The following SAMD4A variants were observed in gnomAD, a reference collection of about 807,000 sequenced individuals.
The protein encoded by SAMD4A is protein Smaug homolog 1.
In SAMD4A, 33 loss-of-function variants were observed where a neutral mutation model predicts 81.3. That is an observed-to-expected ratio of 0.41 (90% CI 0.31 to 0.54). The LOEUF (loss-of-function observed/expected upper bound fraction) is 0.54. Among genes scored for constraint, SAMD4A ranks in the 20% least tolerant of loss-of-function variants. The pLI is 0.37. For synonymous variants in SAMD4A, 389 were observed against 382.1 expected (o/e 1.02, Z -0.21); for missense variants, 854 against 951.1 (o/e 0.90, Z 1.34).
chr14:54,685,281 C>CCCG lies in SAMD4A; in HGVS notation c.197-16779_197-16778insGCC, dbSNP rs1555343072. Among the ~76,000 whole-genome samples the CCCG allele has an allele frequency of 8.8e-4, 118 of 134,524 alleles. 1 individual carries two copies. The highest frequency in any genetic ancestry group is 2.9e-3 in the African/African-American group (111 of 38,566). The allele number at this position is 134,524 out of a possible 152,430, so 88.3% of individuals were successfully genotyped here. On this transcript the variant is annotated intron_variant, in intron 2 of 12. Transcript: ENST00000554335. ...TAACTCCCCATTCTTCCTGCCCCCC[C>CCCG]CCCCAGCTCCTGGCAGCCACCATTC...
intron 2 of SAMD4A, chr14:54,694,529 A>G: frequency 1.6e-6 from 1 of 631,362 alleles, no homozygotes; most frequent in Non-Finnish European, 2.0e-6. Context: ...AGATCATCTG[A>G]GTGAGCATGG....
At chr14:54,679,927 A>G (rs1209908616) in intron 2 of SAMD4A, among the ~76,000 whole-genome samples, 2 of 152,236 alleles carry the variant, frequency 1.3e-5, no homozygotes, top group Admixed American at 6.5e-5. Flanking sequence ...GTCTGGGCCT[A>G]AGATAGGACA....
intron 4 of SAMD4A, among the ~76,000 whole-genome samples, chr14:54,747,274 C>G (rs2037991790): frequency 6.6e-6 from 1 of 152,238 alleles, no homozygotes; most frequent in African/African-American, 2.4e-5. Flanking sequence ...AATTTCAATT[C>G]TCCAGAAATT....
intron 3 of SAMD4A, among the ~76,000 whole-genome samples, chr14:54,714,455 T>G (rs2037068540): frequency 6.6e-6 from 1 of 152,188 alleles, no homozygotes; most frequent in Non-Finnish European, 1.5e-5. Flanking sequence ...ATATTTACAG[T>G]AAGTACAACT....
intron 2 of SAMD4A, chr14:54,696,873 A>G (rs1277408610): frequency 6.6e-6 from 1 of 152,246 alleles, no homozygotes. Context: ...TTCAGAAAAC[A>G]TAGTAGAGGT....
intron 2 of SAMD4A, among the ~76,000 whole-genome samples, chr14:54,575,910 G>A (rs572653658): frequency 1.9e-4 from 29 of 151,300 alleles, no homozygotes; most frequent in African/African-American, 6.1e-4. Context: ...GAATTTCCCC[G>A]AGCTTTTTGA....
Position 54,789,025 on chromosome 14 carries a change from G to T in SAMD4A, c.*81G>T, listed in dbSNP as rs1594948806. On this transcript the variant is annotated 3_prime_UTR_variant, in exon 13 of 13. Transcript: ENST00000554335. ...TGTCCGCCATCTTCAGGGTTGCACAGAATCCTCCAAGATACTTTGCAGCCT... is the reference window on the plus strand; with the variant it reads ...TGTCCGCCATCTTCAGGGTTGCACATAATCCTCCAAGATACTTTGCAGCCT... 39 of 1,502,302 alleles carry T rather than the reference G, an allele frequency of 2.6e-5. No homozygotes were observed. Among genetic ancestry groups the T allele is most frequent in the Non-Finnish European group, 3.3e-5 (36 of 1,078,880 alleles). The allele number at this position is 1,502,302 out of a possible 1,614,324, so 93.1% of individuals were successfully genotyped here.
At position 54,776,383 on chromosome 14, in the gene SAMD4A, TAAC is replaced by T. The variant is rs751555683; in HGVS notation, c.1918-28_1918-26del. 9.7e-4 allele frequency: 1,533 copies of T among 1,583,850 alleles called. 4 individuals are homozygous for T. The highest frequency in any genetic ancestry group is 2.0e-3 in the Middle Eastern group (12 of 5,996). ...GCTCTCCACCCCAGTGGGGCTGAAC[TAAC>T]AAGTTCCCCTTTTGCTTTTCTCACC... On this transcript the variant is annotated intron_variant, in intron 10 of 12. Coordinates refer to ENST00000554335, the MANE Select transcript of SAMD4A (RefSeq NM_015589.6).
intron 2 of SAMD4A, among the ~76,000 whole-genome samples, chr14:54,664,185 T>C (rs901459807): frequency 9.2e-5 from 14 of 152,286 alleles, no homozygotes; most frequent in South Asian, 2.1e-4. Context: ...GGGTTTTTTT[T>C]CTCTTCTTTA....
intron 2 of SAMD4A, among the ~76,000 whole-genome samples, chr14:54,696,666 C>T (rs1352322415): frequency 6.6e-6 from 1 of 152,220 alleles, no homozygotes; most frequent in Non-Finnish European, 1.5e-5. Context: ...TTTAAACACA[C>T]TCTTTGTCAC....
chr14:54,652,702 G>T (rs1022508250), intron 2 of SAMD4A: 4 of 150,488 alleles, frequency 2.7e-5, no homozygotes, highest in African/African-American at 9.8e-5. Context: ...TCGTATCTGC[G>T]TACAGATGGG....
chr14:54,579,547 A>G (rs2033405401), intron 2 of SAMD4A, among the ~76,000 whole-genome samples: 1 of 152,206 alleles, frequency 6.6e-6, no homozygotes, highest in African/African-American at 2.4e-5. Context: ...AACATTGTAT[A>G]TGTTTCATCT....
chr14:54,770,120 A>C lies in SAMD4A; in HGVS notation c.1613A>C (p.Gln538Pro). 6.2e-7 allele frequency: 1 copy of C among 1,613,738 alleles called. No homozygotes were observed. Among genetic ancestry groups the C allele is most frequent in the Non-Finnish European group, 8.5e-7 (1 of 1,179,678 alleles). The stretch of plus-strand genomic sequence containing the variant: ...TTTTTGCAGGCATTTACAGAGACAC[A>C]GAAAAAAAGATTGTTGTCATGGAAA... The part of the protein sequence containing the change: ...CLIHEAFTET[Q>P]KKRLLSWKQQ... The change falls in exon 9 of 13, where the codon CAG becomes CCG. Residue 538 changes from glutamine to proline, a missense_variant. This residue lies in a region of SAMD4A where 428 missense variants were observed against 471.2 expected (regional missense o/e 0.91). Coordinates refer to ENST00000554335, the MANE Select transcript of SAMD4A (RefSeq NM_015589.6).
Position 54,584,929 on chromosome 14 carries a change from G to T in SAMD4A, c.196+16817G>T, listed in dbSNP as rs765685745. Among the ~76,000 whole-genome samples the T allele has an allele frequency of 2.6e-4, 39 of 151,994 alleles. 1 individual carries two copies. The highest frequency in any genetic ancestry group is 1.5e-4 in the Non-Finnish European group (10 of 67,988). On this transcript the variant is annotated intron_variant, in intron 2 of 12. Transcript: ENST00000554335. ...TTTTAAAAAGACAATGTTCTTAGAA[G>T]AATTATATTTCTATTGTAGAAAGAT...
At chr14:54,596,268 A>G (rs1352609335) in intron 2 of SAMD4A, among the ~76,000 whole-genome samples, 1 of 152,188 alleles carries the variant, frequency 6.6e-6, no homozygotes, top group Non-Finnish European at 1.5e-5. Flanking sequence ...GAAGAACGCC[A>G]TCACCACTCC....
chr14:54,792,842 C>T lies in SAMD4A; in HGVS notation c.*3898C>T, dbSNP rs2039281983. On this transcript the variant is annotated 3_prime_UTR_variant, in exon 13 of 13. Coordinates refer to ENST00000554335, the MANE Select transcript of SAMD4A (RefSeq NM_015589.6). ...AAGAAAACAGGAATGTTAATAATGT[C>T]GAACAGAAAACTTCCTCCCTTATTA... is the stretch of plus-strand genomic sequence containing the variant. The T allele has an allele frequency of 6.6e-6, 1 of 151,930 alleles. No individual in the cohort carries two copies. The highest frequency in any genetic ancestry group is 1.5e-5 in the Non-Finnish European group (1 of 68,000). The allele number at this position is 151,930 out of a possible 1,614,324, so 9.4% of individuals were successfully genotyped here.
intron 2 of SAMD4A, among the ~76,000 whole-genome samples, chr14:54,670,542 G>C (rs191686871): frequency 2.0e-5 from 3 of 152,120 alleles, no homozygotes; most frequent in African/African-American, 7.2e-5. Flanking sequence ...TTTTGACCTC[G>C]GCCAAATGAC....
chr14:54,582,668 A>G (rs984693076), intron 2 of SAMD4A, among the ~76,000 whole-genome samples: 6 of 152,214 alleles, frequency 3.9e-5, no homozygotes, highest in African/African-American at 1.4e-4. Flanking sequence ...AAAGGGCAGT[A>G]TTGGGACAAT....
rs768518985 is a variant in SAMD4A, at chr14:54,774,977, G to A, written c.1759G>A (p.Val587Met). ...QSNSLPTAGS[V>M]GGGMGRRNPR... The stretch of plus-strand genomic sequence containing the variant: ...CAACTCCCTCCCGACGGCTGGCTCT[G>A]TGGGCGGTGGCATGGGCAGACGGAA... Residue 587 changes from valine to methionine, a missense_variant, in exon 10 of 13, where the codon GTG (valine) becomes ATG (methionine). Val to Met is a conservative substitution (Grantham distance 21). Around this residue, in one of 3 missense-constraint regions of SAMD4A, gnomAD observed 428 missense variants for 471.2 expected, o/e 0.91. Transcript: ENST00000554335. The A allele has an allele frequency of 2.5e-6, 4 of 1,614,208 alleles. No individual in the cohort carries two copies. Among genetic ancestry groups the A allele is most frequent in the Non-Finnish European group, 2.5e-6 (3 of 1,180,044 alleles).
Sources: allele counts gnomAD v4.1 joint callset (sites outside exome capture counted in the v4.1 genomes callset), GRCh38; gene constraint gnomAD v4.1.1; regional missense constraint gnomAD v4.1.1; transcripts MANE v1.5; gene names NCBI Gene and HGNC (gene_info 2026-07-23, HGNC 2026-07-21).